Variants in CTNNA1 observed in about 807,000 individuals in gnomAD.
CTNNA1 encodes catenin alpha 1, also known as catenin alpha-1.
A neutral mutation model predicts 98.4 loss-of-function variants in CTNNA1; 37 were observed. That is an observed-to-expected ratio of 0.38 (90% CI 0.29 to 0.49). The LOEUF is 0.49. Ranked by LOEUF, CTNNA1 falls within the 20% of genes least tolerant of loss-of-function variation. The pLI is 0.95. For synonymous variants in CTNNA1, 404 were observed against 413.2 expected, an observed-to-expected ratio of 0.98 and a Z score of 0.27; for missense variants, 761 against 1,147.2, an observed-to-expected ratio of 0.66 and a Z score of 4.86.
chr5:138,851,205 G>T (rs757048672), intron 7 of CTNNA1, among the ~76,000 whole-genome samples: 9 of 152,174 alleles, frequency 5.9e-5, no homozygotes, highest in Non-Finnish European at 8.8e-5. Context: ...CACTGCCTTT[G>T]TCGTTTTCAT....
rs1755321271 is a variant in CTNNA1 at position 138,783,190 on chromosome 5, T to C, written c.119T>C (p.Val40Ala). The C allele has an allele frequency of 6.2e-7, 1 of 1,607,816 alleles. No individual in the cohort carries two copies. Residue 40 changes from valine to alanine, a missense_variant, in exon 3 of 18, where the codon GTA becomes GCA. Coordinates refer to ENST00000302763, the MANE Select transcript of CTNNA1 (RefSeq NM_001903.5). ...TGAAACTTTTAGGTTACAACCCTTGTAAACACCAATAGTAAAGGGCCCTCT... is the reference window on the plus strand; with the variant it reads ...TGAAACTTTTAGGTTACAACCCTTGCAAACACCAATAGTAAAGGGCCCTCT... ...EPLVTQVTTL[V>A]NTNSKGPSNK...
At chr5:138,788,849 T>TC (rs1756012983) in intron 3 of CTNNA1, among the ~76,000 whole-genome samples, 1 of 152,190 alleles carries the variant, frequency 6.6e-6, no homozygotes, top group Non-Finnish European at 1.5e-5. Flanking sequence ...TGTTTTATAA[T>TC]CCATTAGCCA....
At chr5:138,903,395 A>G (rs1018418493) in intron 9 of CTNNA1, among the ~76,000 whole-genome samples, 4 of 152,154 alleles carry the variant, frequency 2.6e-5, no homozygotes, top group Admixed American at 2.0e-4. Flanking sequence ...CTGATATTCA[A>G]CTGCCTACGC....
intron 9 of CTNNA1, among the ~76,000 whole-genome samples, chr5:138,902,465 G>A (rs1758254733): frequency 6.6e-6 from 1 of 152,216 alleles, no homozygotes; most frequent in Admixed American, 6.5e-5. Context: ...TGTCGCCCAG[G>A]CTGGAGTGCA....
chr5:138,765,142 G>A (rs1752789485), intron 1 of CTNNA1, among the ~76,000 whole-genome samples: 1 of 151,984 alleles, frequency 6.6e-6, no homozygotes, highest in Non-Finnish European at 1.5e-5. Flanking sequence ...CCAGGTTCAA[G>A]TGATTCTCCT....
chr5:138,785,541 C>G (rs529796145), intron 3 of CTNNA1, among the ~76,000 whole-genome samples: 5 of 151,992 alleles, frequency 3.3e-5, no homozygotes, highest in South Asian at 2.1e-4. Flanking sequence ...TTTGCTGGCT[C>G]TAGTGACTGA....
Position 138,842,630 on chromosome 5 carries a change from G to C in CTNNA1, c.1062+14912G>C, listed in dbSNP as rs146199961. ...TTATGCCAGAGGTTGCAAATTTTTT[G>C]TTGTGGAAAATCAGACCTTGATGAT... On this transcript the variant is annotated intron_variant, in intron 7 of 17. Transcript: ENST00000302763. 6.6e-5 allele frequency among the ~76,000 whole-genome samples: 10 copies of C among 152,244 alleles called. No individual in the cohort carries two copies. In the East Asian group the frequency reaches 1.9e-3, roughly 29 times the overall value.
chr5:138,905,111 A>AAAAATACATACATAC (rs1554105203), intron 10 of CTNNA1, among the ~76,000 whole-genome samples: 2 of 139,270 alleles, frequency 1.4e-5, no homozygotes, highest in African/African-American at 2.9e-5. Flanking sequence ...AAAAAAAAAA[A>AAAAATACATACATAC]ATACATACAT....
At chr5:138,929,055 G>C (rs540196149) in intron 13 of CTNNA1, among the ~76,000 whole-genome samples, 191 bp from the exon 14 acceptor site, 5 of 152,214 alleles carry the variant, frequency 3.3e-5, no homozygotes, top group Admixed American at 3.3e-4. Context: ...GCAGCCCAGC[G>C]TGTGCACCAG....
At chr5:138,872,023 C>CGA (rs1173278538) in intron 7 of CTNNA1, 11 of 120,520 alleles carry the variant, frequency 9.1e-5, no homozygotes, top group African/African-American at 1.9e-4. Context: ...AGAGAGAGCG[C>CGA]GAGAGTGTGT....
chr5:138,792,610 A>T (rs1320695063), intron 3 of CTNNA1, among the ~76,000 whole-genome samples: 2 of 152,172 alleles, frequency 1.3e-5, no homozygotes. Context: ...GGTGTGTGTG[A>T]GAGAGATTGC....
Position 138,873,839 on chromosome 5 carries a change from A to AT in CTNNA1, c.1063-12369dup. 6.2e-7 allele frequency: 1 copy of AT among 1,613,978 alleles called. No homozygotes were observed. Among genetic ancestry groups the AT allele is most frequent in the Non-Finnish European group, 8.5e-7 (1 of 1,179,886 alleles). On this transcript the variant is annotated intron_variant, in intron 7 of 17. Transcript: ENST00000302763. The surrounding 1 kb of genome is among the most constrained non-coding windows in gnomAD (Gnocchi z 6.1). ...CTCCATCCCACATGTCAAGTTGCTG[A>AT]TTTTGTTCCATTGTAAGAAGAGCGT...
intron 1 of CTNNA1, among the ~76,000 whole-genome samples, chr5:138,780,906 TC>T (rs1261370933): frequency 2.6e-5 from 4 of 151,858 alleles, no homozygotes; most frequent in Non-Finnish European, 2.9e-5. Flanking sequence ...TTTCTTTTTT[TC>T]TTTAATAATT....
intron 7 of CTNNA1, among the ~76,000 whole-genome samples, chr5:138,845,509 A>G (rs1762632532): frequency 6.6e-6 from 1 of 152,226 alleles, no homozygotes; most frequent in African/African-American, 2.4e-5. Context: ...TGTCACGTAG[A>G]TAGTATCGAC....
Position 138,934,972 on chromosome 5 carries a change from T to G in CTNNA1, c.*883T>G, listed in dbSNP as rs549243963. ...ATCACCTTATTTAAATTTTATGAAT[T>G]AATTTGAATGTTTTTTACACTAACT... On this transcript the variant is annotated 3_prime_UTR_variant, in exon 18 of 18. Coordinates refer to ENST00000302763, the MANE Select transcript of CTNNA1 (RefSeq NM_001903.5). 6.6e-6 allele frequency: 1 copy of G among 152,422 alleles called. No individual in the cohort carries two copies. The highest frequency in any genetic ancestry group is 2.1e-4 in the South Asian group (1 of 4,830). 9.4% of individuals were successfully genotyped at this position (152,422 alleles called of 1,614,324 possible). A position where few individuals can be genotyped will look rare whatever the true frequency, so the allele number is the denominator to read the frequency against.
At chr5:138,846,083 C>T (rs1199066126) in intron 7 of CTNNA1, among the ~76,000 whole-genome samples, 4 of 152,082 alleles carry the variant, frequency 2.6e-5, no homozygotes, top group East Asian at 1.9e-4. Flanking sequence ...CCCACCACCA[C>T]GCCCGGCTAA....
intron 1 of CTNNA1, among the ~76,000 whole-genome samples, chr5:138,770,542 A>G (rs1441450160): frequency 6.6e-6 from 1 of 152,140 alleles, no homozygotes; most frequent in East Asian, 1.9e-4. Flanking sequence ...TCTTTCTGTC[A>G]GTCCTTGAAG....
chr5:138,816,723 CAG>C (rs1759466302), intron 5 of CTNNA1, among the ~76,000 whole-genome samples: 1 of 150,380 alleles, frequency 6.6e-6, no homozygotes, highest in Admixed American at 6.6e-5. Context: ...TTTTTTAAGA[CAG>C]AGTTTTAGTG....
chr5:138,791,092 C>T lies in CTNNA1; in HGVS notation c.301+7720C>T, dbSNP rs1756303097. 2.0e-5 allele frequency: 3 copies of T among 152,302 alleles called. 1 individual carries two copies. In the South Asian group the frequency reaches 6.2e-4, roughly 32 times the overall value. The allele number at this position is 152,302 out of a possible 1,614,324, so 9.4% of individuals were successfully genotyped here. On this transcript the variant is annotated intron_variant, in intron 3 of 17. Transcript: ENST00000302763. ...CTGTCCATAAATAAAAAGCAGACAT[C>T]TTAATGTTTGGCTTACAGTTTTTTC... is the stretch of plus-strand genomic sequence containing the variant.
Sources: allele counts gnomAD v4.1 joint callset (sites outside exome capture counted in the v4.1 genomes callset), GRCh38; gene constraint gnomAD v4.1.1; non-coding constraint Gnocchi (gnomAD v3.1); transcripts MANE v1.5; gene names NCBI Gene and HGNC (gene_info 2026-07-23, HGNC 2026-07-21).